ADGRL3: variants seen among roughly 807,000 people sequenced by gnomAD.
ADGRL3 encodes calcium-independent alpha-latrotoxin receptor 3.
ADGRL3 carries 62 observed loss-of-function variants against 153.5 expected under a neutral mutation model. That is an observed-to-expected ratio of 0.40 (90% CI 0.33 to 0.50). The LOEUF (loss-of-function observed/expected upper bound fraction) is 0.50, where lower values mean the gene tolerates loss of function less well. Among genes scored for constraint, ADGRL3 ranks in the 20% least tolerant of loss-of-function variants. ADGRL3 has a pLI of 0.47. For synonymous variants in ADGRL3, 710 were observed against 672.5 expected, an observed-to-expected ratio of 1.06 and a Z score of -0.86; for missense variants, 1,641 against 1,859.4, an observed-to-expected ratio of 0.88 and a Z score of 2.16.
intron 1 of ADGRL3, among the ~76,000 whole-genome samples, chr4:61,357,411 A>G (rs775408028): frequency 1.3e-5 from 2 of 152,164 alleles, no homozygotes; most frequent in African/African-American, 4.8e-5. Flanking sequence ...ATGTATGTCT[A>G]TTAAGGAATA....
At chr4:61,655,748 A>C (rs1412025327) in intron 5 of ADGRL3, among the ~76,000 whole-genome samples, 1 of 152,206 alleles carries the variant, frequency 6.6e-6, no homozygotes, top group Non-Finnish European at 1.5e-5. Context: ...ATAAAATGGC[A>C]AACTATACTT....
intron 1 of ADGRL3, among the ~76,000 whole-genome samples, chr4:61,339,457 A>G (rs1335224874): frequency 6.6e-6 from 1 of 152,178 alleles, no homozygotes; most frequent in Non-Finnish European, 1.5e-5. Flanking sequence ...GGAAAATATG[A>G]ACAGAATAAG....
intron 1 of ADGRL3, among the ~76,000 whole-genome samples, chr4:61,215,807 C>T (rs12645195): frequency 0.17 from 25,686 of 151,898 alleles, 2,639 homozygotes; most frequent in East Asian, 0.49. Flanking sequence ...CCGCCTCGGC[C>T]TCCCAAAGTG....
intron 6 of ADGRL3, among the ~76,000 whole-genome samples, chr4:61,691,798 A>T (rs1497911): frequency 0.36 from 55,006 of 151,816 alleles, 11,503 homozygotes; most frequent in Non-Finnish European, 0.49. Flanking sequence ...AGTTAAAATT[A>T]TGACATTGAC....
intron 1 of ADGRL3, among the ~76,000 whole-genome samples, chr4:61,370,631 A>G (rs2096502817): frequency 6.6e-6 from 1 of 151,810 alleles, no homozygotes; most frequent in Admixed American, 6.6e-5. Flanking sequence ...ACATTTGCTG[A>G]GGAGAGCTTT....
At chr4:61,580,744 T>G (rs779784399) in intron 4 of ADGRL3, among the ~76,000 whole-genome samples, 1 of 151,984 alleles carries the variant, frequency 6.6e-6, no homozygotes, top group Non-Finnish European at 1.5e-5. Flanking sequence ...GTGCCTCAGT[T>G]CTTTGCTCCC....
At chr4:61,454,151 C>T (rs1466829339) in intron 2 of ADGRL3, among the ~76,000 whole-genome samples, 1 of 152,044 alleles carries the variant, frequency 6.6e-6, no homozygotes, top group Non-Finnish European at 1.5e-5. Context: ...CTTCAGCTCT[C>T]ATGGTTGCCT....
intron 19 of ADGRL3, among the ~76,000 whole-genome samples, chr4:61,990,440 T>C (rs1581771878): frequency 6.6e-6 from 1 of 151,894 alleles, no homozygotes; most frequent in African/African-American, 2.4e-5. Context: ...TTTTGGTGGG[T>C]ACAGAGTTTC....
chr4:61,825,381 GTTAAT>G (rs552198776), intron 9 of ADGRL3, among the ~76,000 whole-genome samples: 12 of 152,052 alleles, frequency 7.9e-5, no homozygotes, highest in Non-Finnish European at 1.5e-4. Context: ...ACAAATATTG[GTTAAT>G]TTAATTTAGC....
intron 9 of ADGRL3, among the ~76,000 whole-genome samples, chr4:61,831,987 A>G (rs1396611674): frequency 6.6e-6 from 1 of 152,116 alleles, no homozygotes; most frequent in Non-Finnish European, 1.5e-5. Flanking sequence ...AGCCCTAGAC[A>G]CCTGAGTAGA....
chr4:61,508,434 A>T (rs1472253643), intron 3 of ADGRL3, among the ~76,000 whole-genome samples: 2 of 152,186 alleles, frequency 1.3e-5, no homozygotes, highest in Non-Finnish European at 2.9e-5. Context: ...TTTGTAACAT[A>T]GTAGCTTAGT....
At chr4:61,589,332 GAGAAA>G (rs1202785431) in intron 5 of ADGRL3, among the ~76,000 whole-genome samples, 2 of 152,044 alleles carry the variant, frequency 1.3e-5, no homozygotes, top group African/African-American at 4.8e-5. Flanking sequence ...TTGACTCTCT[GAGAAA>G]AGAAATCAGG....
intron 13 of ADGRL3, among the ~76,000 whole-genome samples, chr4:61,916,934 C>G (rs2098747705): frequency 6.6e-6 from 1 of 151,730 alleles, no homozygotes; most frequent in African/African-American, 2.4e-5. Flanking sequence ...GCCTGGGCGA[C>G]AGAGTGAGAC....
At chr4:61,395,181 T>A (rs919701183) in intron 2 of ADGRL3, among the ~76,000 whole-genome samples, 1 of 151,954 alleles carries the variant, frequency 6.6e-6, no homozygotes, top group African/African-American at 2.4e-5. Flanking sequence ...GTTGAAAATA[T>A]AAGTGTGGTA....
At chr4:61,358,086 T>C (rs2096211682) in intron 1 of ADGRL3, among the ~76,000 whole-genome samples, 2 of 152,220 alleles carry the variant, frequency 1.3e-5, no homozygotes, top group African/African-American at 4.8e-5. Context: ...CTTTAGTTCT[T>C]AACCATTTTA....
intron 8 of ADGRL3, among the ~76,000 whole-genome samples, chr4:61,808,566 G>A (rs1030136752): frequency 1.6e-4 from 25 of 152,224 alleles, no homozygotes; most frequent in African/African-American, 6.0e-4. Flanking sequence ...TTTGTTTGAT[G>A]TTGACTTTCC....
intron 2 of ADGRL3, among the ~76,000 whole-genome samples, chr4:61,489,958 A>G (rs1251024434): frequency 6.6e-6 from 1 of 152,106 alleles, no homozygotes; most frequent in Non-Finnish European, 1.5e-5. Flanking sequence ...ACCAATCAAA[A>G]TGAATTTATA....
intron 1 of ADGRL3, among the ~76,000 whole-genome samples, chr4:61,279,080 A>G (rs1185820565): frequency 6.6e-6 from 1 of 152,186 alleles, no homozygotes; most frequent in African/African-American, 2.4e-5. Flanking sequence ...TTCAGACTCC[A>G]GCAGATCATG....
chr4:61,305,048 A>G (rs868643196), intron 1 of ADGRL3, among the ~76,000 whole-genome samples: 2 of 152,184 alleles, frequency 1.3e-5, no homozygotes, highest in Admixed American at 6.5e-5. Flanking sequence ...GGAAGAGAAG[A>G]CTGTTTTATT....
Sources: gnomAD v4.1 joint callset for allele counts (sites outside exome capture counted in the v4.1 genomes callset) on GRCh38, gnomAD v4.1.1 for gene constraint, MANE v1.5 for transcripts, NCBI Gene and HGNC (gene_info 2026-07-23, HGNC 2026-07-21) for gene names.